The following DNAJB13 variants were observed in gnomAD, a reference collection of about 807,000 sequenced individuals.
DNAJB13 encodes the protein DnaJ heat shock protein family (Hsp40) member B13.
In DNAJB13, 22 loss-of-function variants were observed where a neutral mutation model predicts 35.6. The observed-to-expected ratio is 0.62, with a 90% CI of 0.44 to 0.88. The LOEUF (loss-of-function observed/expected upper bound fraction) is 0.88, where lower values mean the gene tolerates loss of function less well. DNAJB13 is among the 40% of genes least tolerant of loss of function. DNAJB13 has a pLI of 0.00. For synonymous variants in DNAJB13, 136 were observed against 144.2 expected (o/e 0.94, Z 0.41); for missense variants, 370 against 384.3 (o/e 0.96, Z 0.31).
intron 1 of DNAJB13, among the ~76,000 whole-genome samples, chr11:73,951,693 C>T (rs1950589584): frequency 6.6e-6 from 1 of 152,216 alleles, no homozygotes; most frequent in South Asian, 2.1e-4. Context: ...GTTGCCCAGG[C>T]TGGAGTGCAA....
At chr11:73,958,100 G>A (rs1026261958) in intron 1 of DNAJB13, among the ~76,000 whole-genome samples, 6 of 152,190 alleles carry the variant, frequency 3.9e-5, no homozygotes, top group Non-Finnish European at 8.8e-5. Flanking sequence ...CAGCTCAGAT[G>A]CCCAGGGGGG....
intron 1 of DNAJB13, among the ~76,000 whole-genome samples, chr11:73,956,334 A>T (rs1489323890): frequency 6.6e-6 from 1 of 152,146 alleles, no homozygotes; most frequent in Non-Finnish European, 1.5e-5. Flanking sequence ...AGCTGGGAGG[A>T]GCTGCAGAGG....
intron 3 of DNAJB13, chr11:73,963,904 T>G (rs1304601921): frequency 6.6e-5 from 10 of 152,136 alleles, no homozygotes; most frequent in Admixed American, 4.6e-4. Flanking sequence ...GCACAGTGGT[T>G]AAGGACACAG....
Position 73,968,358 on chromosome 11 carries a change from T to A in DNAJB13, c.620T>A (p.Ile207Asn), listed in dbSNP as rs774285469. The change falls in exon 6 of 8, where the codon ATC becomes AAC. Residue 207 changes from isoleucine to asparagine, a missense_variant. Transcript: ENST00000339764. ...EKEGDQGPNIIPADIIFIVKE... is the reference protein window; with the variant it reads ...EKEGDQGPNINPADIIFIVKE... The stretch of plus-strand genomic sequence containing the variant: ...TCCCCTGCCCAGGGCCCCAACATCA[T>A]CCCAGCAGACATCATTTTCATCGTA... 1 of 1,614,062 alleles carries A rather than the reference T, an allele frequency of 6.2e-7. No homozygotes were observed. The highest frequency in any genetic ancestry group is 1.7e-5 in the Admixed American group (1 of 60,008).
Position 73,970,226 on chromosome 11 carries a change from G to C in DNAJB13, c.*112G>C. ...GCCTGCTGCACAGATATGATACAAG[G>C]GTGGGATGGCGCAGGGCTTAAACTG... On this transcript the variant is annotated 3_prime_UTR_variant, in exon 8 of 8. Transcript: ENST00000339764. 7.3e-7 allele frequency: 1 copy of C among 1,375,976 alleles called. No individual in the cohort carries two copies. Among genetic ancestry groups the C allele is most frequent in the Non-Finnish European group, 9.7e-7 (1 of 1,033,652 alleles). 85.2% of individuals were successfully genotyped at this position (1,375,976 alleles called of 1,614,324 possible).
intron 1 of DNAJB13, among the ~76,000 whole-genome samples, 170 bp downstream of exon 1, chr11:73,951,307 T>C (rs1591162767): frequency 6.6e-6 from 1 of 152,166 alleles, no homozygotes; most frequent in South Asian, 2.1e-4. Context: ...AGGGCCCAGG[T>C]TGGAAATTTG....
intron 1 of DNAJB13, 79 bp downstream of exon 1, chr11:73,951,216 TGCACAGCTTAGC>T: frequency 1.3e-6 from 2 of 1,542,746 alleles, no homozygotes; most frequent in Non-Finnish European, 1.8e-6. Flanking sequence ...CGAGCTTTCC[TGCACAGCTTAGC>T]GCAGACAAGG....
At chr11:73,962,769 C>T (rs1950970101) in intron 3 of DNAJB13, among the ~76,000 whole-genome samples, 1 of 152,158 alleles carries the variant, frequency 6.6e-6, no homozygotes, top group Non-Finnish European at 1.5e-5. Context: ...AGCCCCTCTG[C>T]CTCAGAGATT....
In DNAJB13 at chr11:73,968,605, GT is replaced by G. The variant is rs1951191247; in HGVS notation, c.720+148del. 4.5e-6 allele frequency: 3 copies of G among 672,952 alleles called. No individual in the cohort carries two copies. The East Asian group carries it at 8.2e-5, about 18-fold the overall frequency. 41.7% of individuals were successfully genotyped at this position (672,952 alleles called of 1,614,324 possible). ...CACCCTCTAAATCACCATCCACTTG[GT>G]CCCGTCTGCTCATCTGCACCGCCTG... is the stretch of plus-strand genomic sequence containing the variant. On this transcript the variant is annotated intron_variant, in intron 6 of 7. Transcript: ENST00000339764.
At position 73,951,061 on chromosome 11, in the gene DNAJB13, T is replaced by C. The variant is rs573533574; in HGVS notation, c.-9T>C. The C allele has an allele frequency of 2.2e-5, 36 of 1,613,902 alleles. 1 individual carries two copies. In the Admixed American group the frequency reaches 3.2e-4, roughly 14 times the overall value. On this transcript the variant is annotated 5_prime_UTR_variant, in exon 1 of 8. Coordinates refer to ENST00000339764, the MANE Select transcript of DNAJB13 (RefSeq NM_153614.4). ...GACTATCCAGGGCCTGACTGCCAGC[T>C]AGCCAGCCATGGGCCAGGATTATTA...
chr11:73,954,249 C>G (rs1176582553), intron 1 of DNAJB13, among the ~76,000 whole-genome samples: 5 of 151,686 alleles, frequency 3.3e-5, no homozygotes, highest in African/African-American at 4.8e-5. Context: ...TTGCTTGAAC[C>G]CAGGAGGCAG....
chr11:73,957,507 C>A (rs72982960), intron 1 of DNAJB13, among the ~76,000 whole-genome samples: 18,776 of 152,178 alleles, frequency 0.12, 1,271 homozygotes, highest in Admixed American at 0.15. Flanking sequence ...TCAGACGCTG[C>A]GATGTCTGCC....
chr11:73,958,076 A>G (rs1457265819), intron 1 of DNAJB13, among the ~76,000 whole-genome samples: 1 of 152,196 alleles, frequency 6.6e-6, no homozygotes, highest in Non-Finnish European at 1.5e-5. Context: ...AGGGCAGCTC[A>G]GGGGCAGTTG....
In DNAJB13 at chr11:73,958,322, G is replaced by A. The variant is rs1396151958; in HGVS notation, c.74G>A (p.Arg25His). Residue 25 changes from arginine (R) to histidine (H), a missense_variant, in exon 2 of 8, where the codon CGC becomes CAC. Physicochemically the swap from Arg to His is conservative, Grantham distance 29. Coordinates refer to ENST00000339764, the MANE Select transcript of DNAJB13 (RefSeq NM_153614.4). ...ATTAATTCTCCCTCTTCCAGGTACC[G>A]CAGACTCGCCCTTAAGCACCACCCG... Reference protein sequence around the residue: ...SEDAQIKQAYRRLALKHHPLK... With the variant: ...SEDAQIKQAYHRLALKHHPLK... 3 of 1,613,972 alleles carry A rather than the reference G, an allele frequency of 1.9e-6. No homozygotes were observed. The highest frequency in any genetic ancestry group is 2.2e-5 in the South Asian group (2 of 91,072).
In DNAJB13 at chr11:73,961,519, G is replaced by A. The variant is rs186011491; in HGVS notation, c.334+1864G>A. 4.0e-3 allele frequency among the ~76,000 whole-genome samples: 605 copies of A among 152,278 alleles called. 7 individuals are homozygous for A. The highest frequency in any genetic ancestry group is 0.014 in the African/African-American group (566 of 41,542). On this transcript the variant is annotated intron_variant, in intron 3 of 7. Transcript: ENST00000339764. ...CTTGCCTCTGACAGGCATGAAACTC[G>A]TGGGTGGACCCACAAAGGCTGCTGC...
At chr11:73,960,835 G>T (rs920615175) in intron 3 of DNAJB13, among the ~76,000 whole-genome samples, 2 of 151,784 alleles carry the variant, frequency 1.3e-5, no homozygotes, top group Admixed American at 6.6e-5. Flanking sequence ...ACTATATATA[G>T]ATCTACTTTA....
In DNAJB13 at chr11:73,964,970, G is replaced by T; in HGVS notation, c.427G>T (p.Asp143Tyr). ...VKKQDPQVERDLYLSLEDLFF... is the reference protein window; with the variant it reads ...VKKQDPQVERYLYLSLEDLFF... ...GAAGCAGGACCCCCAAGTCGAACGG[G>T]ATCTCTACCTGTCCCTGGAGGACTT... Residue 143 changes from aspartate (D) to tyrosine (Y), a missense_variant, in exon 4 of 8, where the codon GAT becomes TAT. By Grantham distance (160) the Asp-to-Tyr change is radical (BLOSUM62 -3). Coordinates refer to ENST00000339764, the MANE Select transcript of DNAJB13 (RefSeq NM_153614.4). 6.2e-7 allele frequency: 1 copy of T among 1,612,880 alleles called. No homozygotes were observed. The highest frequency in any genetic ancestry group is 8.5e-7 in the Non-Finnish European group (1 of 1,179,768).
intron 1 of DNAJB13, 53 bp from the exon 2 acceptor site, chr11:73,958,264 G>T: frequency 6.3e-7 from 1 of 1,581,922 alleles, no homozygotes; most frequent in Non-Finnish European, 8.7e-7. Flanking sequence ...ACTCTGGTCC[G>T]CCCTCAGAAA....
intron 3 of DNAJB13, among the ~76,000 whole-genome samples, chr11:73,961,062 G>A (rs1317023308): frequency 6.6e-6 from 1 of 152,134 alleles, no homozygotes; most frequent in Non-Finnish European, 1.5e-5. Flanking sequence ...TGAGGTGGCT[G>A]GATTGCTTGA....
Sources: allele counts gnomAD v4.1 joint callset (sites outside exome capture counted in the v4.1 genomes callset), GRCh38; gene constraint gnomAD v4.1.1; transcripts MANE v1.5; gene names NCBI Gene and HGNC (gene_info 2026-07-23, HGNC 2026-07-21).